LRTM1: variants seen among roughly 807,000 people sequenced by gnomAD.
The protein encoded by LRTM1 is leucine rich repeat transmembrane protein 1.
Under a neutral mutation model 32.4 loss-of-function variants are expected in LRTM1, and 38 were observed. The ratio of observed to expected loss-of-function variants is 1.17; its 90% confidence interval spans 0.91 to 1.54. LRTM1 has a LOEUF of 1.54. LRTM1 is among the 40% of genes most tolerant of loss of function. The probability of loss-of-function intolerance (pLI) is 0.00; values close to 1 mark genes in which losing one functional copy is unlikely to be tolerated. For missense variants in LRTM1, 466 were observed against 415.4 expected, an observed-to-expected ratio of 1.12 and a Z score of -1.06; for synonymous variants, 186 against 169.9, an observed-to-expected ratio of 1.09 and a Z score of -0.74.
intron 1 of LRTM1, among the ~76,000 whole-genome samples, chr3:54,956,844 T>A (rs1426187971): frequency 4.6e-5 from 7 of 152,108 alleles, no homozygotes; most frequent in Non-Finnish European, 7.4e-5. Context: ...TTGCATTTTA[T>A]CTGACAGAAA....
chr3:54,962,783 C>A (rs1011757702), intron 1 of LRTM1, among the ~76,000 whole-genome samples: 3 of 152,118 alleles, frequency 2.0e-5, no homozygotes, highest in Non-Finnish European at 4.4e-5. Flanking sequence ...GACTGGAGGG[C>A]TGGGCAAATG....
At chr3:54,933,197 A>T (rs74519468) in intron 1 of LRTM1, among the ~76,000 whole-genome samples, 2,023 of 152,298 alleles carry the variant, frequency 0.013, 45 homozygotes, top group African/African-American at 0.047. Context: ...AATATATTTT[A>T]AAATGACAAT....
At chr3:54,926,505 T>TACAC (rs36205023) in intron 1 of LRTM1, among the ~76,000 whole-genome samples, 3,626 of 143,342 alleles carry the variant, frequency 0.025, 55 homozygotes, top group South Asian at 0.037. Context: ...GCCTGTCAAA[T>TACAC]ACACACACAC....
chr3:54,924,830 T>G lies in LRTM1; in HGVS notation c.393A>C (p.Ser131=). ...ATGTGGGAAGGTGGCTTATGTTGTT[T>G]GATGACAAATCAAGCTCCCTCAGCT... The part of the protein sequence containing the change: ...LPQLRELDLS[S]NNISHLPTSL... Residue 131 remains serine (S), a synonymous_variant, in exon 2 of 3, where the codon TCA becomes TCC. Transcript: ENST00000273286. 6.2e-7 allele frequency: 1 copy of G among 1,614,022 alleles called. No homozygotes were observed. Among genetic ancestry groups the G allele is most frequent in the Non-Finnish European group, 8.5e-7 (1 of 1,179,956 alleles).
intron 1 of LRTM1, among the ~76,000 whole-genome samples, chr3:54,944,827 G>A (rs1701573075): frequency 6.6e-6 from 1 of 152,082 alleles, no homozygotes; most frequent in African/African-American, 2.4e-5. Context: ...GTGTGTGTGT[G>A]TGTGTGTGTG....
At chr3:54,958,092 A>G (rs904978470) in intron 1 of LRTM1, among the ~76,000 whole-genome samples, 1 of 152,256 alleles carries the variant, frequency 6.6e-6, no homozygotes, top group African/African-American at 2.4e-5. Context: ...GGTACAGGGA[A>G]TACAGCAGTA....
chr3:54,966,272 C>T (rs1702148084), intron 1 of LRTM1, among the ~76,000 whole-genome samples: 1 of 152,010 alleles, frequency 6.6e-6, no homozygotes, highest in Non-Finnish European at 1.5e-5. Context: ...GGAGTCAGAC[C>T]CTGTTTTGCA....
upstream of LRTM1, among the ~76,000 whole-genome samples, chr3:54,930,450 AG>A (rs1042588609): frequency 3.9e-5 from 6 of 152,324 alleles, no homozygotes; most frequent in Admixed American, 3.9e-4. Flanking sequence ...ATACCTCTTT[AG>A]GTTATAGTGG....
intron 1 of LRTM1, among the ~76,000 whole-genome samples, chr3:54,956,826 C>T (rs76683036): frequency 6.6e-5 from 10 of 152,016 alleles, no homozygotes; most frequent in African/African-American, 1.2e-4. Context: ...TACCTTGATA[C>T]CTCCAGTTTG....
chr3:54,962,556 C>T (rs1310300045), intron 1 of LRTM1, among the ~76,000 whole-genome samples: 1 of 152,120 alleles, frequency 6.6e-6, no homozygotes, highest in East Asian at 1.9e-4. Flanking sequence ...ATTTTTGTCC[C>T]ACAAAAATTC....
At chr3:54,965,243 C>CAA (rs59751921) in intron 1 of LRTM1, among the ~76,000 whole-genome samples, 60,085 of 151,664 alleles carry the variant, frequency 0.4, 13,543 homozygotes, top group East Asian at 0.56. Context: ...CTCTGGCCTA[C>CAA]GTACTCTTGA....
chr3:54,930,557 G>A (rs1343073610), upstream of LRTM1, among the ~76,000 whole-genome samples: 1 of 152,232 alleles, frequency 6.6e-6, no homozygotes, highest in Non-Finnish European at 1.5e-5. Context: ...ACAATTGGAT[G>A]TTGGAGGTCA....
At chr3:54,927,179 G>A (rs1701046023) in intron 1 of LRTM1, among the ~76,000 whole-genome samples, 1 of 152,202 alleles carries the variant, frequency 6.6e-6, no homozygotes, top group Non-Finnish European at 1.5e-5. Context: ...CAGCATGGCT[G>A]TCATGCACTT....
chr3:54,964,202 G>A (rs895866433), intron 1 of LRTM1, among the ~76,000 whole-genome samples: 4 of 152,078 alleles, frequency 2.6e-5, no homozygotes, highest in African/African-American at 4.8e-5. Context: ...TTTCTGGATC[G>A]GTTGTGTTCC....
intron 1 of LRTM1, among the ~76,000 whole-genome samples, chr3:54,946,724 T>C (rs540150651): frequency 6.6e-6 from 1 of 151,932 alleles, no homozygotes; most frequent in South Asian, 2.1e-4. Context: ...ACTTCTCCAC[T>C]GGATGCAAAG....
At chr3:54,965,910 G>A (rs181224341) in intron 1 of LRTM1, among the ~76,000 whole-genome samples, 9 of 152,278 alleles carry the variant, frequency 5.9e-5, no homozygotes, top group Admixed American at 1.3e-4. Flanking sequence ...CCAGGACGAG[G>A]ATGCAGCCTG....
chr3:54,947,419 A>G (rs2107004953), intron 1 of LRTM1, among the ~76,000 whole-genome samples: 1 of 152,340 alleles, frequency 6.6e-6, no homozygotes, highest in East Asian at 1.9e-4. Context: ...AAAGAATACC[A>G]GGATTCCAGG....
chr3:54,944,929 G>A (rs1320146451), intron 1 of LRTM1, among the ~76,000 whole-genome samples: 3 of 151,958 alleles, frequency 2.0e-5, no homozygotes, highest in East Asian at 3.9e-4. Flanking sequence ...AATATCTGTA[G>A]CCTAGTTCAC....
intron 1 of LRTM1, among the ~76,000 whole-genome samples, chr3:54,937,945 T>C (rs189085252): frequency 1.3e-5 from 2 of 152,280 alleles, no homozygotes; most frequent in South Asian, 2.1e-4. Context: ...TTGAAAACCA[T>C]TGGTTTTCAC....
Sources: gnomAD v4.1 joint callset for allele counts (sites outside exome capture counted in the v4.1 genomes callset) on GRCh38, gnomAD v4.1.1 for gene constraint, MANE v1.5 for transcripts, NCBI Gene and HGNC (gene_info 2026-07-23, HGNC 2026-07-21) for gene names.